FAM184B: variants seen among roughly 807,000 people sequenced by gnomAD.
The protein encoded by FAM184B is family with sequence similarity 184 member B.
Under a neutral mutation model 135.9 loss-of-function variants are expected in FAM184B, and 111 were observed. The observed-to-expected ratio is 0.82, with a 90% CI of 0.70 to 0.96. The LOEUF (loss-of-function observed/expected upper bound fraction) is 0.96, where lower values mean the gene tolerates loss of function less well. Among genes scored for constraint, FAM184B ranks in the 40% least tolerant of loss-of-function variants. The pLI, the probability that FAM184B is intolerant of heterozygous loss-of-function variation, is 0.00. For missense variants in FAM184B, 1,375 were observed against 1,323.9 expected (o/e 1.04, Z -0.60); for synonymous variants, 552 against 524.8 (o/e 1.05, Z -0.71).
chr4:17,747,183 G>A (rs558947902), intron 1 of FAM184B, among the ~76,000 whole-genome samples: 4 of 152,214 alleles, frequency 2.6e-5, no homozygotes, highest in East Asian at 1.9e-4. Context: ...GGTGGGGGGC[G>A]GTGTGAGCCA....
At chr4:17,739,464 C>G (rs551423252) in intron 1 of FAM184B, among the ~76,000 whole-genome samples, 10 of 151,324 alleles carry the variant, frequency 6.6e-5, no homozygotes, top group Admixed American at 3.3e-4. Context: ...CAGGCAGAAT[C>G]TGGGTGAAGA....
chr4:17,765,156 A>G (rs1221670178), intron 1 of FAM184B, among the ~76,000 whole-genome samples: 1 of 152,220 alleles, frequency 6.6e-6, no homozygotes, highest in Non-Finnish European at 1.5e-5. Context: ...GGGAGGAGAA[A>G]GTGTAATAAA....
chr4:17,665,747 C>T (rs1370198909), intron 7 of FAM184B, among the ~76,000 whole-genome samples: 1 of 152,110 alleles, frequency 6.6e-6, no homozygotes, highest in Admixed American at 6.5e-5. Flanking sequence ...CTATAAAAGG[C>T]CATCAATGTC....
intron 14 of FAM184B, among the ~76,000 whole-genome samples, chr4:17,638,271 C>G (rs1437034298): frequency 6.6e-6 from 1 of 151,526 alleles, no homozygotes; most frequent in African/African-American, 2.4e-5. Context: ...TCACTGCAAC[C>G]TCAACCTCCT....
chr4:17,761,122 C>T (rs1718535675), intron 1 of FAM184B, among the ~76,000 whole-genome samples: 1 of 152,166 alleles, frequency 6.6e-6, no homozygotes, highest in African/African-American at 2.4e-5. Flanking sequence ...CAGTAGTGTC[C>T]AGGGTGAGAA....
chr4:17,741,642 G>A lies in FAM184B; in HGVS notation c.142-31998C>T, dbSNP rs146929506. Among the ~76,000 whole-genome samples the A allele has an allele frequency of 8.6e-3, 1,313 of 152,284 alleles. 19 individuals carry two copies. Among genetic ancestry groups the A allele is most frequent in the African/African-American group, 0.03 (1,249 of 41,552 alleles). On this transcript the variant is annotated intron_variant, in intron 1 of 17. Transcript: ENST00000265018. ...CAGGAGGCGGAAGTTGCAGTGAGCC[G>A]AGATTGCACCACTGCACTCCAGCCT...
chr4:17,770,455 G>A (rs1272507532), intron 1 of FAM184B, among the ~76,000 whole-genome samples: 1 of 151,988 alleles, frequency 6.6e-6, no homozygotes, highest in Non-Finnish European at 1.5e-5. Context: ...TGTTGTTGTT[G>A]TTGTTGTTGT....
chr4:17,753,283 G>C (rs534000073), intron 1 of FAM184B, among the ~76,000 whole-genome samples: 1 of 152,234 alleles, frequency 6.6e-6, no homozygotes, highest in South Asian at 2.1e-4. Context: ...TCTTATTCTT[G>C]ACCCAGTACC....
intron 10 of FAM184B, among the ~76,000 whole-genome samples, chr4:17,653,226 A>G (rs1275567395): frequency 3.0e-5 from 4 of 134,686 alleles, no homozygotes; most frequent in African/African-American, 1.6e-4. Flanking sequence ...ACCTGGGCCA[A>G]TCAAAGTTCC....
In FAM184B at chr4:17,632,453, TGTTA is replaced by T. The variant is rs981415240; in HGVS notation, c.*75_*78del. 24 of 1,205,966 alleles carry T rather than the reference TGTTA, an allele frequency of 2.0e-5. No individual in the cohort carries two copies. The highest frequency in any genetic ancestry group is 1.2e-4 in the African/African-American group (8 of 65,506). The allele number at this position is 1,205,966 out of a possible 1,614,324, so 74.7% of individuals were successfully genotyped here. The stretch of plus-strand genomic sequence containing the variant: ...ATAAGCATATTATTTGGTTGGTTGG[TGTTA>T]GTTCATTCCTTCAATCGGATGATTT... On this transcript the variant is annotated 3_prime_UTR_variant, in exon 18 of 18. Coordinates refer to ENST00000265018, the MANE Select transcript of FAM184B (RefSeq NM_015688.2).
At chr4:17,693,547 A>G (rs1716785533) in intron 5 of FAM184B, 135 bp from the exon 6 acceptor site, 7 of 676,080 alleles carry the variant, frequency 1.0e-5, no homozygotes, top group Non-Finnish European at 1.8e-5. Context: ...CATAAATTAG[A>G]CATACACGAG....
chr4:17,756,919 T>C (rs1286581575), intron 1 of FAM184B, among the ~76,000 whole-genome samples: 1 of 151,954 alleles, frequency 6.6e-6, no homozygotes, highest in Non-Finnish European at 1.5e-5. Context: ...CGAGACTCCA[T>C]CTCAAAAAAG....
chr4:17,719,063 T>C (rs1488954510), intron 1 of FAM184B, among the ~76,000 whole-genome samples: 1 of 152,228 alleles, frequency 6.6e-6, no homozygotes, highest in Admixed American at 6.5e-5. Flanking sequence ...TATACGTATG[T>C]ACATATCTGT....
Position 17,709,237 on chromosome 4 carries a change from G to A in FAM184B, c.549C>T (p.Thr183=). 1.4e-5 allele frequency: 22 copies of A among 1,547,046 alleles called. No individual in the cohort carries two copies. Among genetic ancestry groups the A allele is most frequent in the Non-Finnish European group, 1.9e-5 (22 of 1,144,852 alleles). ...CCGGGCCCTGGCCTGGCTCCGACTT[G>A]GTTTCAGGGCTCTCCTGGGGCAGCC... ...QGRLPQESPE[T]KSEPGQGPEM... The change falls in exon 2 of 18, where the codon ACC becomes ACT. Residue 183 remains threonine (T), a synonymous_variant. Transcript: ENST00000265018.
At chr4:17,666,701 G>A (rs1021710552) in intron 7 of FAM184B, among the ~76,000 whole-genome samples, 4 of 151,484 alleles carry the variant, frequency 2.6e-5, no homozygotes, top group African/African-American at 9.7e-5. Context: ...CTTGCTCTAT[G>A]TTTTTCTCAC....
chr4:17,637,999 C>CTG (rs71994887), intron 14 of FAM184B, among the ~76,000 whole-genome samples: 1 of 1,072 alleles, frequency 9.3e-4, no homozygotes, highest in African/African-American at 1.3e-3. Flanking sequence ...CTCCCTCTCA[C>CTG]TGATGCCTCA....
In FAM184B at chr4:17,630,604, A is replaced by AC. The variant is rs1460296295; in HGVS notation, c.*1927dup. The AC allele has an allele frequency of 6.6e-6, 1 of 152,222 alleles. No individual in the cohort carries two copies. Among genetic ancestry groups the AC allele is most frequent in the Non-Finnish European group, 1.5e-5 (1 of 68,036 alleles). The allele number at this position is 152,222 out of a possible 1,614,324, so 9.4% of individuals were successfully genotyped here. A position where few individuals can be genotyped will look rare whatever the true frequency, so the allele number is the denominator to read the frequency against. On this transcript the variant is annotated 3_prime_UTR_variant, in exon 18 of 18. Transcript: ENST00000265018. The stretch of plus-strand genomic sequence containing the variant: ...TATTTTGTTAGAGCAGCCTGAACGA[A>AC]CTAAGACACTCTAAGCGGGAAACTC...
At chr4:17,687,517 T>A (rs75597824) in intron 7 of FAM184B, among the ~76,000 whole-genome samples, 1 of 152,188 alleles carries the variant, frequency 6.6e-6, no homozygotes, top group African/African-American at 2.4e-5. Context: ...CTTAAGCCCC[T>A]GTACCTATGA....
chr4:17,754,097 T>C (rs1718366435), intron 1 of FAM184B, among the ~76,000 whole-genome samples: 1 of 152,174 alleles, frequency 6.6e-6, no homozygotes, highest in African/African-American at 2.4e-5. Context: ...CACAGCAGAT[T>C]ATCGTCTAAA....
Sources: allele counts gnomAD v4.1 joint callset (sites outside exome capture counted in the v4.1 genomes callset), GRCh38; gene constraint gnomAD v4.1.1; transcripts MANE v1.5; gene names NCBI Gene and HGNC (gene_info 2026-07-23, HGNC 2026-07-21).